The following PDGFD variants were observed in gnomAD, a reference collection of about 807,000 sequenced individuals.
The protein encoded by PDGFD is platelet-derived growth factor D.
A neutral mutation model predicts 44.7 loss-of-function variants in PDGFD; 30 were observed. The observed-to-expected ratio is 0.67, with a 90% CI of 0.50 to 0.91. PDGFD has a LOEUF of 0.91. Among genes scored for constraint, PDGFD ranks in the 40% least tolerant of loss-of-function variants. The pLI is 0.00. For synonymous variants in PDGFD, 173 were observed against 168.4 expected (o/e 1.03, Z -0.21); for missense variants, 445 against 457.8 (o/e 0.97, Z 0.25).
intron 5 of PDGFD, among the ~76,000 whole-genome samples, chr11:103,932,184 A>ATT (rs777488928): frequency 4.0e-5 from 6 of 150,174 alleles, no homozygotes; most frequent in African/African-American, 1.5e-4. Context: ...GTTCAACATG[A>ATT]GTTTTTTTTT....
intron 1 of PDGFD, among the ~76,000 whole-genome samples, chr11:104,005,501 C>CT (rs1859688064): frequency 6.6e-6 from 1 of 152,142 alleles, no homozygotes; most frequent in Non-Finnish European, 1.5e-5. Flanking sequence ...AAAGAACAAC[C>CT]TCTCAGGTTA....
intron 1 of PDGFD, among the ~76,000 whole-genome samples, chr11:104,080,688 C>G (rs1189161212): frequency 6.6e-6 from 1 of 152,182 alleles, no homozygotes; most frequent in East Asian, 1.9e-4. Flanking sequence ...CTTTGGTAAC[C>G]TGTATAACCT....
At chr11:104,028,192 A>G (rs1248353280) in intron 1 of PDGFD, among the ~76,000 whole-genome samples, 2 of 13,922 alleles carry the variant, frequency 1.4e-4, no homozygotes, top group South Asian at 2.8e-3. Context: ...TCCGTCAAAG[A>G]AAAAAAAAAA....
chr11:104,035,561 C>CTTTT (rs3050598), intron 1 of PDGFD, among the ~76,000 whole-genome samples: 64 of 115,260 alleles, frequency 5.6e-4, no homozygotes, highest in African/African-American at 2.0e-3. Flanking sequence ...ACTTCTTTTT[C>CTTTT]TTTTTTTTTT....
chr11:104,052,550 G>A (rs1426906289), intron 1 of PDGFD, among the ~76,000 whole-genome samples: 3 of 151,974 alleles, frequency 2.0e-5, no homozygotes, highest in Admixed American at 2.0e-4. Context: ...ACCAGGGAAG[G>A]TGCTCAGTAA....
intron 4 of PDGFD, chr11:103,946,133 A>G (rs1001108459): frequency 2.1e-5 from 3 of 142,240 alleles, no homozygotes; most frequent in African/African-American, 9.3e-5. Context: ...GCATTAATTT[A>G]AAATGATAAC....
intron 1 of PDGFD, among the ~76,000 whole-genome samples, chr11:104,162,135 A>G (rs1196309786): frequency 6.7e-6 from 1 of 148,996 alleles, no homozygotes; most frequent in Non-Finnish European, 1.5e-5. Flanking sequence ...AACTAAAATG[A>G]GATTATTCTC....
chr11:104,014,116 G>C (rs1026716981), intron 1 of PDGFD, among the ~76,000 whole-genome samples: 1 of 152,150 alleles, frequency 6.6e-6, no homozygotes, highest in African/African-American at 2.4e-5. Context: ...CAGAAACATA[G>C]AGACAGAAAC....
chr11:104,020,448 A>G (rs1342180913), intron 1 of PDGFD, among the ~76,000 whole-genome samples: 1 of 152,160 alleles, frequency 6.6e-6, no homozygotes, highest in East Asian at 1.9e-4. Flanking sequence ...TCAATCCCAT[A>G]AGAATGAGAT....
chr11:104,077,864 T>C (rs1035068585), intron 1 of PDGFD, among the ~76,000 whole-genome samples: 2 of 152,118 alleles, frequency 1.3e-5, no homozygotes, highest in Admixed American at 6.5e-5. Flanking sequence ...TGTGTTGCTA[T>C]TTTTTTCACC....
At position 104,028,466 on chromosome 11, in the gene PDGFD, A is replaced by T. The variant is rs374003846; in HGVS notation, c.125-28211T>A. Among the ~76,000 whole-genome samples, 26 of 147,912 alleles carry T rather than the reference A, an allele frequency of 1.8e-4. No individual in the cohort carries two copies. In the South Asian group the frequency reaches 5.6e-3, roughly 32 times the overall value. Reference sequence around the variant, plus strand: ...TTTTTTTTTCAGGCTGGCTTGCTGCATATTGAGGAGCTGATGATCCTGTTT... The same window carrying T: ...TTTTTTTTTCAGGCTGGCTTGCTGCTTATTGAGGAGCTGATGATCCTGTTT... On this transcript the variant is annotated intron_variant, in intron 1 of 6. Transcript: ENST00000393158.
intron 6 of PDGFD, among the ~76,000 whole-genome samples, chr11:103,924,445 T>C (rs1415838849): frequency 2.0e-5 from 3 of 152,198 alleles, no homozygotes; most frequent in Non-Finnish European, 4.4e-5. Context: ...TGAACATAGA[T>C]GATAGCATTC....
chr11:104,156,868 T>C (rs1236700299), intron 1 of PDGFD, among the ~76,000 whole-genome samples: 1 of 152,242 alleles, frequency 6.6e-6, no homozygotes, highest in Non-Finnish European at 1.5e-5. Flanking sequence ...AGTTTTGATT[T>C]ACATTTGGTT....
chr11:104,118,579 A>G (rs1258727829), intron 1 of PDGFD, among the ~76,000 whole-genome samples: 1 of 150,760 alleles, frequency 6.6e-6, no homozygotes, highest in African/African-American at 2.4e-5. Flanking sequence ...AAAAAGGAGT[A>G]GTGAGAGGGG....
intron 1 of PDGFD, among the ~76,000 whole-genome samples, chr11:104,133,141 G>A (rs1329120415): frequency 6.6e-6 from 1 of 151,998 alleles, no homozygotes; most frequent in Non-Finnish European, 1.5e-5. Context: ...ACTTCCTATG[G>A]TAAGTAGCAC....
At chr11:104,148,891 CT>C (rs1862203898) in intron 1 of PDGFD, among the ~76,000 whole-genome samples, 1 of 152,154 alleles carries the variant, frequency 6.6e-6, no homozygotes, top group South Asian at 2.1e-4. Flanking sequence ...TGGCCTCCAG[CT>C]TTACCCACGT....
chr11:104,148,256 G>A (rs747153411), intron 1 of PDGFD, among the ~76,000 whole-genome samples: 9 of 152,154 alleles, frequency 5.9e-5, no homozygotes, highest in Non-Finnish European at 1.2e-4. Context: ...AAGTGACTCA[G>A]TCGATTTCAA....
rs983225265 is a variant in PDGFD, at chr11:104,146,321, G to A, written c.124+17483C>T. The stretch of plus-strand genomic sequence containing the variant: ...ATATATCTCAATGGTGAGAAAAGAA[G>A]TGTGTTCCAGGGAAGTAACACAAAA... On this transcript the variant is annotated intron_variant, in intron 1 of 6. Coordinates refer to ENST00000393158, the MANE Select transcript of PDGFD (RefSeq NM_025208.5). Among the ~76,000 whole-genome samples the A allele has an allele frequency of 2.2e-4, 33 of 152,274 alleles. 2 individuals carry two copies. Among genetic ancestry groups the A allele is most frequent in the Admixed American group, 1.8e-3 (28 of 15,290 alleles).
intron 1 of PDGFD, among the ~76,000 whole-genome samples, chr11:104,032,712 T>C (rs1860148392): frequency 6.6e-6 from 1 of 151,880 alleles, no homozygotes; most frequent in Non-Finnish European, 1.5e-5. Context: ...TGTGGATTTA[T>C]TAAAAAAATA....
Sources: gnomAD v4.1 joint callset for allele counts (sites outside exome capture counted in the v4.1 genomes callset) on GRCh38, gnomAD v4.1.1 for gene constraint, MANE v1.5 for transcripts, NCBI Gene and HGNC (gene_info 2026-07-23, HGNC 2026-07-21) for gene names.